USP7: variants seen among roughly 807,000 people sequenced by gnomAD.
USP7 encodes the protein ubiquitin C-terminal hydrolase 7.
In USP7, 9 loss-of-function variants were observed where a neutral mutation model predicts 162.9. That is an observed-to-expected ratio of 0.06 (90% CI 0.03 to 0.10). USP7 has a LOEUF of 0.10. Ranked by LOEUF, USP7 falls within the 10% of genes least tolerant of loss-of-function variation. The probability of loss-of-function intolerance (pLI) is 1.00; values close to 1 mark genes in which losing one functional copy is unlikely to be tolerated. For synonymous variants in USP7, 562 were observed against 475.9 expected (o/e 1.18, Z -2.35); for missense variants, 715 against 1,373.7 (o/e 0.52, Z 7.58).
intron 1 of USP7, among the ~76,000 whole-genome samples, chr16:8,932,400 AATTTATT>A (rs1898410320): frequency 6.6e-6 from 1 of 151,240 alleles, no homozygotes; most frequent in African/African-American, 2.4e-5. Context: ...ACCTCATCTC[AATTTATT>A]ATTATTTTTA....
chr16:8,936,588 A>G, intron 1 of USP7: 1 of 1,548,198 alleles, frequency 6.5e-7, no homozygotes, highest in Non-Finnish European at 8.7e-7. Flanking sequence ...CTCACCTTCC[A>G]GCCCAAGCCT....
intron 1 of USP7, among the ~76,000 whole-genome samples, chr16:8,933,728 G>T (rs1222322832): frequency 6.6e-6 from 1 of 151,532 alleles, no homozygotes; most frequent in South Asian, 2.1e-4. Flanking sequence ...GGGATTACAG[G>T]CATGTGCCAC....
intron 2 of USP7, among the ~76,000 whole-genome samples, chr16:8,929,965 A>T (rs558781065): frequency 1.6e-4 from 25 of 152,350 alleles, no homozygotes; most frequent in African/African-American, 5.1e-4. Flanking sequence ...CTTGCTGCAA[A>T]CAAACAAGAA....
In USP7 at chr16:8,934,455, C is replaced by G. The variant is rs181750371; in HGVS notation, c.80-4058G>C. Among the ~76,000 whole-genome samples, 11 of 152,338 alleles carry G rather than the reference C, an allele frequency of 7.2e-5. No homozygotes were observed. The East Asian group carries it at 2.1e-3, about 29-fold the overall frequency. ...AGATCAATTCAAGAGCGCATAACAT[C>G]TTACAGGATGGGGTGGGGGAAATGC... On this transcript the variant is annotated intron_variant, in intron 1 of 30. Transcript: ENST00000344836.
intron 1 of USP7, among the ~76,000 whole-genome samples, chr16:8,951,526 C>G (rs1376171884): frequency 1.3e-5 from 2 of 152,110 alleles, no homozygotes; most frequent in Non-Finnish European, 1.5e-5. Flanking sequence ...TTGGAGAGAG[C>G]CCCTGGATAT....
intron 1 of USP7, 142 bp downstream of exon 1, chr16:8,963,065 G>A (rs1332129979): frequency 5.2e-6 from 3 of 580,358 alleles, no homozygotes; most frequent in Non-Finnish European, 6.8e-6. Context: ...CTCGCAGGCC[G>A]GGGCCGGGAG....
intron 24 of USP7, 38 bp from the exon 25 acceptor site, chr16:8,898,475 C>T: frequency 6.2e-7 from 1 of 1,606,606 alleles, no homozygotes. Flanking sequence ...GATACCGTCA[C>T]CAAAACCCCG....
chr16:8,932,551 G>GA (rs1331310900), intron 1 of USP7, among the ~76,000 whole-genome samples: 1 of 152,126 alleles, frequency 6.6e-6, no homozygotes, highest in African/African-American at 2.4e-5. Flanking sequence ...TGGAGAGAAG[G>GA]AAAAATGTCT....
At chr16:8,951,626 G>T (rs547774347) in intron 1 of USP7, among the ~76,000 whole-genome samples, 22 of 152,306 alleles carry the variant, frequency 1.4e-4, no homozygotes, top group African/African-American at 5.1e-4. Flanking sequence ...GGTCTAAAAT[G>T]CTGTAATATC....
chr16:8,949,334 A>C (rs543595733), intron 1 of USP7, among the ~76,000 whole-genome samples: 1 of 152,368 alleles, frequency 6.6e-6, no homozygotes, highest in African/African-American at 2.4e-5. Flanking sequence ...ATAAAAATGC[A>C]ATGCAATTGA....
intron 1 of USP7, among the ~76,000 whole-genome samples, chr16:8,933,450 G>C (rs1898490378): frequency 6.6e-6 from 1 of 152,174 alleles, no homozygotes; most frequent in African/African-American, 2.4e-5. Context: ...GAAAAGGAGA[G>C]TCCTGTGTTG....
Position 8,897,005 on chromosome 16 carries a change from T to G in USP7, c.2813A>C (p.Lys938Thr). Residue 938 changes from lysine to threonine, a missense_variant, in exon 26 of 31, where the codon AAA (lysine) becomes ACA (threonine). Lys to Thr is a moderately conservative substitution (Grantham distance 78, BLOSUM62 -1). Transcript: ENST00000344836. ...AVELGEKASGKLRLLEIVSYK... is the reference protein window; with the variant it reads ...AVELGEKASGTLRLLEIVSYK... ...GGGCTCAAGAAATACTTGCCTAAGTTTCCCTGATGCTTTCTCCCCAAGCTC... is the reference window on the plus strand; with the variant it reads ...GGGCTCAAGAAATACTTGCCTAAGTGTCCCTGATGCTTTCTCCCCAAGCTC... 6.2e-7 allele frequency: 1 copy of G among 1,613,712 alleles called. No individual in the cohort carries two copies. The highest frequency in any genetic ancestry group is 8.5e-7 in the Non-Finnish European group (1 of 1,179,570).
At chr16:8,910,128 A>T (rs758920675) in intron 11 of USP7, among the ~76,000 whole-genome samples, 1 of 152,164 alleles carries the variant, frequency 6.6e-6, no homozygotes, top group East Asian at 1.9e-4. Context: ...AGTCAAGGTT[A>T]TAAGATTACA....
intron 25 of USP7, 32 bp downstream of exon 25, chr16:8,898,328 A>C (rs767486654): frequency 1.4e-5 from 21 of 1,519,448 alleles, no homozygotes; most frequent in Non-Finnish European, 1.9e-5. Context: ...GTTCCAATAA[A>C]AATTAAAATT....
intron 12 of USP7, 48 bp downstream of exon 12, chr16:8,908,293 G>C: frequency 1.4e-6 from 2 of 1,463,866 alleles, no homozygotes; most frequent in Admixed American, 1.7e-5. Flanking sequence ...TAACCCCCTA[G>C]ACCAGCATGA....
chr16:8,926,517 G>A (rs1443922373), intron 2 of USP7, among the ~76,000 whole-genome samples: 1 of 152,154 alleles, frequency 6.6e-6, no homozygotes, highest in Non-Finnish European at 1.5e-5. Flanking sequence ...CAAAAAAAAG[G>A]AGAAGTGGAC....
chr16:8,896,192 G>A (rs902121757), intron 26 of USP7, among the ~76,000 whole-genome samples: 10 of 149,612 alleles, frequency 6.7e-5, no homozygotes, highest in South Asian at 4.2e-4. Flanking sequence ...AACAGAGACC[G>A]GAGGCAAGGC....
chr16:8,899,993 T>G, intron 21 of USP7: 1 of 587,386 alleles, frequency 1.7e-6, no homozygotes, highest in Non-Finnish European at 3.0e-6. Flanking sequence ...CTCATCCCAC[T>G]ACAAAACAAA....
intron 1 of USP7, among the ~76,000 whole-genome samples, chr16:8,956,843 C>T (rs924565194): frequency 2.0e-5 from 3 of 152,164 alleles, no homozygotes; most frequent in Non-Finnish European, 2.9e-5. Context: ...GCCCAGCCCC[C>T]CCGCAGGCAG....
Sources: gnomAD v4.1 joint callset for allele counts (sites outside exome capture counted in the v4.1 genomes callset) on GRCh38, gnomAD v4.1.1 for gene constraint, MANE v1.5 for transcripts, NCBI Gene and HGNC (gene_info 2026-07-23, HGNC 2026-07-21) for gene names.